The following FNBP1 variants were observed in gnomAD, a reference collection of about 807,000 sequenced individuals.
The protein encoded by FNBP1 is formin-binding protein 1.
A neutral mutation model predicts 90.6 loss-of-function variants in FNBP1; 26 were observed. The ratio of observed to expected loss-of-function variants is 0.29; its 90% confidence interval spans 0.21 to 0.40. FNBP1 has a LOEUF of 0.40. Ranked by LOEUF, FNBP1 falls within the 10% of genes least tolerant of loss-of-function variation. The pLI is 1.00. For missense variants in FNBP1, 635 were observed against 768.0 expected (o/e 0.83, Z 2.05); for synonymous variants, 260 against 265.2 (o/e 0.98, Z 0.19).
chr9:129,978,728 G>T (rs915567864), intron 3 of FNBP1, 116 bp from the exon 4 acceptor site: 2 of 945,456 alleles, frequency 2.1e-6, no homozygotes, highest in South Asian at 1.7e-5. Context: ...ACCTCCCATA[G>T]GATCCTGAGT....
chr9:130,047,223 C>G (rs1334606192), upstream of FNBP1, among the ~76,000 whole-genome samples: 10 of 152,168 alleles, frequency 6.6e-5, no homozygotes, highest in Non-Finnish European at 1.5e-4. Flanking sequence ...TTAAAGGACA[C>G]TCAGCTGATG....
rs114948655 is a variant in FNBP1, at chr9:130,014,058, A to G, written c.25-19100T>C. ...CATCTGATTCTACTTGAAGTCCAAAAATAGGCAAAACTAAACAATGTATTT... is the reference window on the plus strand; with the variant it reads ...CATCTGATTCTACTTGAAGTCCAAAGATAGGCAAAACTAAACAATGTATTT... On this transcript the variant is annotated intron_variant, in intron 1 of 16. Coordinates refer to ENST00000446176, the MANE Select transcript of FNBP1 (RefSeq NM_015033.3). The G allele has an allele frequency of 2.6e-3, 1,196 of 456,666 alleles. 10 individuals carry two copies. Among genetic ancestry groups the G allele is most frequent in the African/African-American group, 0.022 (1,095 of 50,178 alleles). 28.3% of individuals were successfully genotyped at this position (456,666 alleles called of 1,614,324 possible). A position where few individuals can be genotyped will look rare whatever the true frequency, so the allele number is the denominator to read the frequency against.
intron 5 of FNBP1, among the ~76,000 whole-genome samples, 187 bp downstream of exon 5, chr9:129,958,304 T>A (rs1347508764): frequency 6.6e-6 from 1 of 152,054 alleles, no homozygotes; most frequent in Non-Finnish European, 1.5e-5. Flanking sequence ...TGGTGACGTG[T>A]GCCTGTAATC....
At chr9:130,003,851 G>A (rs35273244) in intron 1 of FNBP1, among the ~76,000 whole-genome samples, 42 of 145,404 alleles carry the variant, frequency 2.9e-4, no homozygotes, top group Non-Finnish European at 4.9e-4. Context: ...GTGAACCCGG[G>A]AGGCAGAGCT....
chr9:129,969,846 A>G (rs2049169994), intron 4 of FNBP1, among the ~76,000 whole-genome samples: 1 of 151,924 alleles, frequency 6.6e-6, no homozygotes, highest in Non-Finnish European at 1.5e-5. Flanking sequence ...TGGAGAATCA[A>G]GAAGAATATA....
chr9:129,916,531 C>A (rs563059202), intron 10 of FNBP1, among the ~76,000 whole-genome samples: 5 of 151,486 alleles, frequency 3.3e-5, no homozygotes, highest in African/African-American at 4.9e-5. Flanking sequence ...GCAGGAGAAT[C>A]GCTTGAACCT....
intron 1 of FNBP1, among the ~76,000 whole-genome samples, chr9:129,996,705 G>C (rs2054057218): frequency 6.6e-6 from 1 of 152,078 alleles, no homozygotes; most frequent in African/African-American, 2.4e-5. Context: ...TTGTTTGTTG[G>C]TTGGTTTGTT....
intron 1 of FNBP1, among the ~76,000 whole-genome samples, chr9:130,023,427 G>A (rs1245457936): frequency 2.0e-5 from 3 of 152,170 alleles, no homozygotes; most frequent in Non-Finnish European, 2.9e-5. Context: ...GCACACAATA[G>A]GGTTAGCTGA....
At chr9:130,017,055 C>T (rs1488483277) in intron 1 of FNBP1, among the ~76,000 whole-genome samples, 3 of 151,828 alleles carry the variant, frequency 2.0e-5, no homozygotes, top group Non-Finnish European at 2.9e-5. Flanking sequence ...AGACCAGCCT[C>T]AGCAACATAG....
intron 6 of FNBP1, among the ~76,000 whole-genome samples, chr9:129,945,559 T>C (rs2045130331): frequency 6.6e-6 from 1 of 152,196 alleles, no homozygotes; most frequent in South Asian, 2.1e-4. Flanking sequence ...CAATTCCTTA[T>C]ATGTACAATA....
chr9:129,916,708 G>A (rs1361003376), intron 10 of FNBP1, among the ~76,000 whole-genome samples: 4 of 151,948 alleles, frequency 2.6e-5, no homozygotes, highest in Non-Finnish European at 4.4e-5. Context: ...ACGAAAACAA[G>A]TCTGAACACC....
intron 1 of FNBP1, among the ~76,000 whole-genome samples, chr9:130,021,712 T>G (rs916577170): frequency 2.6e-5 from 4 of 152,220 alleles, no homozygotes; most frequent in Non-Finnish European, 5.9e-5. Context: ...CTTTCATTAC[T>G]CAGGAGAAAA....
intron 1 of FNBP1, among the ~76,000 whole-genome samples, chr9:129,996,643 A>G (rs1009326274): frequency 3.9e-5 from 6 of 152,208 alleles, no homozygotes; most frequent in Non-Finnish European, 8.8e-5. Context: ...GTTTAATCCT[A>G]CGCTTGTGCA....
At position 130,042,963 on chromosome 9, in the gene FNBP1, T is replaced by A; in HGVS notation, c.13A>T (p.Thr5Ser). Residue 5 changes from threonine to serine, a missense_variant, in exon 1 of 17, where the codon ACC becomes TCC. Thr to Ser is a moderately conservative substitution (Grantham distance 58, BLOSUM62 1). Coordinates refer to ENST00000446176, the MANE Select transcript of FNBP1 (RefSeq NM_015033.3). The surrounding 1 kb of genome is among the most constrained non-coding windows in gnomAD (Gnocchi z 5.5). ...AGCCCCTCACTCACCCAGAGCTCGG[T>A]GCCCCAGCTCATGGTGCAGGGGACG... MSWGTELWDQFDNLE... is the reference protein window; with the variant it reads MSWGSELWDQFDNLE... 8.2e-7 allele frequency: 1 copy of A among 1,226,356 alleles called. No individual in the cohort carries two copies. Among genetic ancestry groups the A allele is most frequent in the Non-Finnish European group, 1.0e-6 (1 of 984,142 alleles). 76.0% of individuals were successfully genotyped at this position (1,226,356 alleles called of 1,614,324 possible). A position where few individuals can be genotyped will look rare whatever the true frequency, so the allele number is the denominator to read the frequency against.
chr9:130,052,713 C>T, the FNBP1 span, among the ~76,000 whole-genome samples: 1 of 151,826 alleles, frequency 6.6e-6, no homozygotes, highest in Admixed American at 6.6e-5. Flanking sequence ...GGGATTCAGG[C>T]GCGAATCACC....
chr9:129,961,223 G>A (rs981048558), intron 4 of FNBP1, among the ~76,000 whole-genome samples: 1 of 152,082 alleles, frequency 6.6e-6, no homozygotes, highest in African/African-American at 2.4e-5. Flanking sequence ...TGAGGCAGGA[G>A]AATCACTTGA....
chr9:129,998,506 C>T (rs1377209928), intron 1 of FNBP1, among the ~76,000 whole-genome samples: 1 of 151,546 alleles, frequency 6.6e-6, no homozygotes, highest in East Asian at 1.9e-4. Context: ...ACGAGCAAAA[C>T]TCCACCTCAA....
intron 6 of FNBP1, among the ~76,000 whole-genome samples, chr9:129,943,583 C>T (rs575560452): frequency 4.6e-5 from 7 of 152,160 alleles, no homozygotes; most frequent in African/African-American, 1.7e-4. Flanking sequence ...GATGCGGTTT[C>T]GCCATGTCAG....
At chr9:129,942,603 T>G (rs2044488736) in intron 6 of FNBP1, among the ~76,000 whole-genome samples, 1 of 152,168 alleles carries the variant, frequency 6.6e-6, no homozygotes, top group Non-Finnish European at 1.5e-5. Context: ...ACACTGAACT[T>G]GAGGCACAGA....
Sources: gnomAD v4.1 joint callset for allele counts (sites outside exome capture counted in the v4.1 genomes callset) on GRCh38, gnomAD v4.1.1 for gene constraint, Gnocchi (gnomAD v3.1) non-coding constraint, MANE v1.5 for transcripts, NCBI Gene and HGNC (gene_info 2026-07-23, HGNC 2026-07-21) for gene names.